The following SLC25A43 variants were observed in gnomAD, a reference collection of about 807,000 sequenced individuals.
The protein encoded by SLC25A43 is solute carrier family 25 member 43.
A neutral mutation model predicts 22.8 loss-of-function variants in SLC25A43; 10 were observed. That is an observed-to-expected ratio of 0.44 (90% CI 0.27 to 0.74). The LOEUF (loss-of-function observed/expected upper bound fraction) is 0.74. Among genes scored for constraint, SLC25A43 ranks in the 30% least tolerant of loss-of-function variants. The pLI, the probability that SLC25A43 is intolerant of heterozygous loss-of-function variation, is 0.17. For synonymous variants in SLC25A43, 106 were observed against 121.6 expected (o/e 0.87, Z 0.84); for missense variants, 233 against 279.1 (o/e 0.83, Z 1.18).
chrX:119,412,164 G>A (rs886599859), intron 3 of SLC25A43, among the ~76,000 whole-genome samples: 1 of 111,319 alleles, frequency 9.0e-6, no homozygotes, highest in African/African-American at 3.3e-5. Context: ...CAGCCTGAAG[G>A]TGCTTATCAA....
chrX:119,409,768 G>A (rs1456153919), intron 2 of SLC25A43, among the ~76,000 whole-genome samples: 1 of 109,377 alleles, frequency 9.1e-6, no homozygotes, highest in Non-Finnish European at 1.9e-5. Flanking sequence ...GGTGCCCAAC[G>A]CCACACCCAG....
chrX:119,404,348 G>A (rs1226046038), intron 1 of SLC25A43, among the ~76,000 whole-genome samples: 2 of 111,499 alleles, frequency 1.8e-5, no homozygotes, highest in African/African-American at 3.3e-5. Flanking sequence ...GGGTTCCCAC[G>A]ACCCCCTCTT....
chrX:119,412,392 A>G (rs1436378458), intron 3 of SLC25A43, among the ~76,000 whole-genome samples: 1 of 102,141 alleles, frequency 9.8e-6, no homozygotes, highest in Non-Finnish European at 2.0e-5. Flanking sequence ...TTTTTTTTTG[A>G]GAGACAGAGT....
chrX:119,399,883 G>A (rs144421911), intron 1 of SLC25A43, among the ~76,000 whole-genome samples: 1,602 of 112,871 alleles, frequency 0.014, 32 homozygotes, highest in African/African-American at 0.048. Context: ...TTCTCTTGGG[G>A]TTACCGCCCT....
chrX:119,450,472 A>C (rs1569378446), intron 3 of SLC25A43, among the ~76,000 whole-genome samples: 1 of 112,274 alleles, frequency 8.9e-6, no homozygotes, highest in Non-Finnish European at 1.9e-5. Context: ...GAAGGAGCAG[A>C]TAAATAAAGG....
chrX:119,399,653 G>T lies in SLC25A43; in HGVS notation c.250G>T (p.Ala84Ser). Residue 84 changes from alanine to serine, a missense_variant, in exon 1 of 5, where the codon GCC becomes TCC. By Grantham distance (99) the Ala-to-Ser change is moderately conservative. Transcript: ENST00000217909. Reference protein sequence around the residue: ...VACLRLFPCSAVQLAAYRKFV... With the variant: ...VACLRLFPCSSVQLAAYRKFV... Reference sequence around the variant, plus strand: ...GTGCCTGCGCCTCTTCCCCTGCAGCGCCGTGCAGCTCGCCGCCTACCGCAA... The same window carrying T: ...GTGCCTGCGCCTCTTCCCCTGCAGCTCCGTGCAGCTCGCCGCCTACCGCAA... 2 of 999,207 alleles carry T rather than the reference G, an allele frequency of 2.0e-6. No homozygotes were observed. Among genetic ancestry groups the T allele is most frequent in the Non-Finnish European group, 2.5e-6 (2 of 792,691 alleles). 82.3% of individuals were successfully genotyped at this position (999,207 alleles called of 1,213,427 possible).
At position 119,453,032 on chromosome X, in the gene SLC25A43, G is replaced by A. The variant is rs765091969; in HGVS notation, c.993G>A (p.Thr331=). 16 of 1,208,757 alleles carry A rather than the reference G, an allele frequency of 1.3e-5. No individual in the cohort carries two copies. Among genetic ancestry groups the A allele is most frequent in the African/African-American group, 1.8e-5 (1 of 57,010 alleles). The change falls in exon 5 of 5, where the codon ACG becomes ACA. Residue 331 remains threonine (T), a synonymous_variant. Transcript: ENST00000217909. The part of the protein sequence containing the change: ...ELRELKKFFK[T]RKPKPKKPTL ...GAGAATTAAAGAAGTTCTTCAAAACGAGAAAACCGAAGCCTAAAAAACCAA... is the reference window on the plus strand; with the variant it reads ...GAGAATTAAAGAAGTTCTTCAAAACAAGAAAACCGAAGCCTAAAAAACCAA...
chrX:119,431,353 A>T (rs185021268), intron 3 of SLC25A43, among the ~76,000 whole-genome samples: 61 of 110,460 alleles, frequency 5.5e-4, no homozygotes, highest in African/African-American at 1.6e-3. Context: ...CCCCATCTCT[A>T]CTAAGAAAAA....
intron 3 of SLC25A43, among the ~76,000 whole-genome samples, chrX:119,414,426 G>A (rs1213749507): frequency 9.0e-6 from 1 of 110,700 alleles, no homozygotes; most frequent in East Asian, 2.8e-4. Context: ...ACAGGGTCTC[G>A]CTATGTCGCC....
At chrX:119,421,499 A>C (rs1220361974) in intron 3 of SLC25A43, among the ~76,000 whole-genome samples, 11 of 111,928 alleles carry the variant, frequency 9.8e-5, no homozygotes. Context: ...CCCTTCTCCC[A>C]AGCCCTGAAG....
rs1465921479 is a variant in SLC25A43 at position 119,399,411 on chromosome X, C to T, written c.8C>T (p.Thr3Met). 9.8e-7 allele frequency: 1 copy of T among 1,017,253 alleles called. No homozygotes were observed. The highest frequency in any genetic ancestry group is 1.2e-6 in the Non-Finnish European group (1 of 800,813). 83.8% of individuals were successfully genotyped at this position (1,017,253 alleles called of 1,213,427 possible). The change falls in exon 1 of 5, where the codon ACG becomes ATG. Residue 3 changes from threonine (T) to methionine (M), a missense_variant. Transcript: ENST00000217909. ...GGCCCGGGTCGGGGCTCGATGGCTA[C>T]GTGGAGGCGGGACGGCCGACTGACA... MATWRRDGRLTGG... is the reference protein window; with the variant it reads MAMWRRDGRLTGG...
intron 3 of SLC25A43, chrX:119,434,959 C>G (rs1362772262): frequency 2.7e-5 from 3 of 110,797 alleles, no homozygotes; most frequent in Admixed American, 9.7e-5. Context: ...GTGCTTCAGC[C>G]TCCCGAGTAG....
intron 3 of SLC25A43, among the ~76,000 whole-genome samples, chrX:119,445,119 A>G (rs1404487311): frequency 9.2e-6 from 1 of 109,200 alleles, no homozygotes. Flanking sequence ...AAGGGTTCCA[A>G]TCCAGGTCTG....
chrX:119,451,088 G>A (rs1430189972), intron 3 of SLC25A43, among the ~76,000 whole-genome samples: 2 of 111,439 alleles, frequency 1.8e-5, no homozygotes, highest in Non-Finnish European at 3.8e-5. Context: ...GCTTGAACCC[G>A]GGAGGTGGAG....
At chrX:119,402,544 GCA>G (rs751607317) in intron 1 of SLC25A43, among the ~76,000 whole-genome samples, 3 of 112,039 alleles carry the variant, frequency 2.7e-5, no homozygotes, top group African/African-American at 9.7e-5. Context: ...TATTGAATAA[GCA>G]CTTCATGAGC....
rs1175233726 is a variant in SLC25A43 at position 119,435,457 on chromosome X, C to CTTT, written c.691-16530_691-16528dup. Among the ~76,000 whole-genome samples the CTTT allele has an allele frequency of 6.8e-3, 372 of 54,477 alleles. 3 individuals are homozygous for CTTT. Among genetic ancestry groups the CTTT allele is most frequent in the Middle Eastern group, 0.013 (1 of 75 alleles). 47.3% of individuals were successfully genotyped at this position (54,477 alleles called of 115,157 possible). On this transcript the variant is annotated intron_variant, in intron 3 of 4. Coordinates refer to ENST00000217909, the MANE Select transcript of SLC25A43 (RefSeq NM_145305.3). ...TCCAGTAAGAAATTTAGATTTTATT[C>CTTT]TTTTTTTTTTTTTTTTTTTTTTTTA...
intron 3 of SLC25A43, among the ~76,000 whole-genome samples, chrX:119,447,312 CTT>C (rs1157752606): frequency 9.1e-6 from 1 of 110,052 alleles, no homozygotes; most frequent in Non-Finnish European, 1.9e-5. Context: ...ATAAACTTCT[CTT>C]TTATTTTTTG....
chrX:119,413,535 G>A (rs1315697164), intron 3 of SLC25A43, among the ~76,000 whole-genome samples: 2 of 110,521 alleles, frequency 1.8e-5, no homozygotes, highest in East Asian at 2.9e-4. Context: ...GCGAAACCCC[G>A]TCTCTACTAA....
chrX:119,429,329 C>T (rs1003415206), intron 3 of SLC25A43, among the ~76,000 whole-genome samples: 7 of 111,395 alleles, frequency 6.3e-5, no homozygotes, highest in Non-Finnish European at 1.3e-4. Context: ...GGATTACAGG[C>T]GTGAGCTGCC....
Sources: gnomAD v4.1 joint callset for allele counts (sites outside exome capture counted in the v4.1 genomes callset) on GRCh38, gnomAD v4.1.1 for gene constraint, MANE v1.5 for transcripts, NCBI Gene and HGNC (gene_info 2026-07-23, HGNC 2026-07-21) for gene names.